The following SLC44A5 variants were observed in gnomAD, a reference collection of about 807,000 sequenced individuals.
The protein encoded by SLC44A5 is solute carrier family 44 member 5.
A neutral mutation model predicts 101.8 loss-of-function variants in SLC44A5; 57 were observed. The observed-to-expected ratio is 0.56, with a 90% CI of 0.45 to 0.70. The LOEUF is 0.70. Among genes scored for constraint, SLC44A5 ranks in the 30% least tolerant of loss-of-function variants. The probability of loss-of-function intolerance (pLI) is 0.00; values close to 1 mark genes in which losing one functional copy is unlikely to be tolerated. For synonymous variants in SLC44A5, 281 were observed against 290.9 expected (o/e 0.97, Z 0.35); for missense variants, 737 against 853.1 (o/e 0.86, Z 1.70).
At chr1:75,285,749 T>TTA (rs1418169735) in intron 5 of SLC44A5, among the ~76,000 whole-genome samples, 1 of 152,110 alleles carries the variant, frequency 6.6e-6, no homozygotes, top group African/African-American at 2.4e-5. Flanking sequence ...CAGGAGCAGG[T>TTA]TATTTAATTT....
intron 1 of SLC44A5, among the ~76,000 whole-genome samples, chr1:75,595,315 C>T (rs1442668700): frequency 1.3e-5 from 2 of 152,132 alleles, no homozygotes; most frequent in Middle Eastern, 6.8e-3. Flanking sequence ...CAACCCATTC[C>T]ATTGTCTATA....
At chr1:75,661,387 T>TAAAAAAAAAAAAAAAAAAA in the SLC44A5 span, among the ~76,000 whole-genome samples, 8 of 53,598 alleles carry the variant, frequency 1.5e-4, no homozygotes, top group African/African-American at 1.7e-4. Context: ...CTACTGCAAG[T>TAAAAAAAAAAAAAAAAAAA]AAAAAAAAAA....
At chr1:75,682,251 C>T in the SLC44A5 span, among the ~76,000 whole-genome samples, 1 of 152,242 alleles carries the variant, frequency 6.6e-6, no homozygotes, top group African/African-American at 2.4e-5. Context: ...TTGGAAAAAA[C>T]TACTTTAAAG....
chr1:75,267,060 C>T (rs187538659), intron 6 of SLC44A5, among the ~76,000 whole-genome samples: 2 of 152,236 alleles, frequency 1.3e-5, no homozygotes, highest in East Asian at 1.9e-4. Context: ...CTCTGAAGAC[C>T]AAGAGACTCT....
chr1:75,203,728 T>C lies in SLC44A5; in HGVS notation c.2153A>G (p.Ter718TrpextTer82). The change falls in exon 24 of 24, where the codon TAG becomes TGG. Residue 718 changes from the stop codon to tryptophan (W), a stop_lost. Coordinates refer to ENST00000370859, the MANE Select transcript of SLC44A5 (RefSeq NM_001130058.2). ...CTGTAGGACGACCAGTTTGCTCTTCTACTGCTTCCTAGTTTGTGGATTTTC... is the reference window on the plus strand; with the variant it reads ...CTGTAGGACGACCAGTTTGCTCTTCCACTGCTTCCTAGTTTGTGGATTTTC... ...QEENPQTRKQ[*>W] 1 of 1,548,370 alleles carries C rather than the reference T, an allele frequency of 6.5e-7. No homozygotes were observed. Among genetic ancestry groups the C allele is most frequent in the Non-Finnish European group, 8.7e-7 (1 of 1,145,484 alleles).
At chr1:75,592,729 G>A (rs1022363887) in intron 1 of SLC44A5, among the ~76,000 whole-genome samples, 21 of 151,908 alleles carry the variant, frequency 1.4e-4, no homozygotes, top group African/African-American at 5.1e-4. Context: ...AAGGTGCAAA[G>A]AATATATACT....
chr1:75,540,700 C>T (rs1000311216), intron 2 of SLC44A5, among the ~76,000 whole-genome samples: 3 of 152,018 alleles, frequency 2.0e-5, no homozygotes, highest in African/African-American at 7.3e-5. Flanking sequence ...ACTTATGCCA[C>T]ATTTTTTTTT....
intron 3 of SLC44A5, among the ~76,000 whole-genome samples, chr1:75,352,973 T>A (rs1385706191): frequency 6.6e-6 from 1 of 152,234 alleles, no homozygotes; most frequent in African/African-American, 2.4e-5. Flanking sequence ...TATTTGCTTT[T>A]CTTGTAGTTT....
At chr1:75,627,888 G>A in the SLC44A5 span, among the ~76,000 whole-genome samples, 1 of 146,814 alleles carries the variant, frequency 6.8e-6, no homozygotes, top group Non-Finnish European at 1.5e-5. Flanking sequence ...AGCTTTTCTT[G>A]AGCATCTAGT....
chr1:75,278,619 G>A (rs78526461), intron 5 of SLC44A5, among the ~76,000 whole-genome samples: 3,716 of 152,172 alleles, frequency 0.024, 152 homozygotes, highest in African/African-American at 0.086. Context: ...TAATTAAATA[G>A]TATGCACATC....
chr1:75,622,926 T>TG, the SLC44A5 span, among the ~76,000 whole-genome samples: 1 of 152,142 alleles, frequency 6.6e-6, no homozygotes, highest in South Asian at 2.1e-4. Context: ...AAAAAACAAA[T>TG]GGCATACCAA....
the SLC44A5 span, chr1:75,642,142 GTAAA>G: frequency 3.6e-6 from 3 of 838,096 alleles, no homozygotes; most frequent in East Asian, 8.0e-5. Flanking sequence ...AAAACTGCCT[GTAAA>G]TAAATAGCAT....
intron 3 of SLC44A5, among the ~76,000 whole-genome samples, chr1:75,362,528 A>G (rs11591011): frequency 0.31 from 46,270 of 151,426 alleles, 7,687 homozygotes; most frequent in Non-Finnish European, 0.38. Flanking sequence ...TTCCTTTTTT[A>G]TTTCTTCTTG....
chr1:75,222,413 A>G lies in SLC44A5; in HGVS notation c.1033T>C (p.Phe345Leu). The G allele has an allele frequency of 1.2e-6, 2 of 1,613,792 alleles. No individual in the cohort carries two copies. Among genetic ancestry groups the G allele is most frequent in the Non-Finnish European group, 1.7e-6 (2 of 1,179,912 alleles). ...IEVIVILMLIFLRNRIRVAII... is the reference protein window; with the variant it reads ...IEVIVILMLILLRNRIRVAII... ...GCGACTCGGATTCGATTCCTGAGGA[A>G]GATCAGCATGAGGATGACAATCACT... Residue 345 changes from phenylalanine (F) to leucine (L), a missense_variant, in exon 14 of 24, where the codon TTC becomes CTC. Transcript: ENST00000370859.
chr1:75,548,185 C>T (rs1306854543), intron 1 of SLC44A5, among the ~76,000 whole-genome samples: 1 of 152,052 alleles, frequency 6.6e-6, no homozygotes, highest in Non-Finnish European at 1.5e-5. Flanking sequence ...TATTATGTTT[C>T]ATTACACAGT....
At chr1:75,244,339 C>T (rs1011596615) in intron 7 of SLC44A5, among the ~76,000 whole-genome samples, 2 of 152,006 alleles carry the variant, frequency 1.3e-5, no homozygotes, top group Non-Finnish European at 2.9e-5. Flanking sequence ...TTTAATAAAA[C>T]ACTTTATGAT....
chr1:75,306,550 A>T (rs548194799), intron 4 of SLC44A5, among the ~76,000 whole-genome samples: 1 of 152,044 alleles, frequency 6.6e-6, no homozygotes, highest in Non-Finnish European at 1.5e-5. Context: ...TCACTAAAAA[A>T]CAAATGCAAA....
intron 1 of SLC44A5, among the ~76,000 whole-genome samples, chr1:75,565,002 T>C (rs778456248): frequency 1.3e-5 from 2 of 152,154 alleles, no homozygotes; most frequent in African/African-American, 2.4e-5. Context: ...TGTGCCATGG[T>C]AGAATTTTAA....
At chr1:75,416,318 CT>C (rs35303144) in intron 2 of SLC44A5, among the ~76,000 whole-genome samples, 29,609 of 152,092 alleles carry the variant, frequency 0.19, 4,128 homozygotes, top group East Asian at 0.81. Flanking sequence ...CCCCAAACCT[CT>C]GAGCATACAA....
Sources: gnomAD v4.1 joint callset for allele counts (sites outside exome capture counted in the v4.1 genomes callset) on GRCh38, gnomAD v4.1.1 for gene constraint, MANE v1.5 for transcripts, NCBI Gene and HGNC (gene_info 2026-07-23, HGNC 2026-07-21) for gene names.